The following ABTB1 variants were observed in gnomAD, a reference collection of about 807,000 sequenced individuals.
The protein encoded by ABTB1 is ankyrin repeat and BTB domain containing 1, also known as ankyrin repeat and BTB/POZ domain-containing protein 1.
ABTB1 carries 45 observed loss-of-function variants against 57.1 expected under a neutral mutation model. The observed-to-expected ratio is 0.79, with a 90% CI of 0.62 to 1.01. The LOEUF is 1.01. Ranked by LOEUF, ABTB1 falls within the 50% of genes least tolerant of loss-of-function variation. The pLI is 0.00. For synonymous variants in ABTB1, 302 were observed against 275.4 expected, an observed-to-expected ratio of 1.10 and a Z score of -0.95; for missense variants, 630 against 666.3, an observed-to-expected ratio of 0.95 and a Z score of 0.60.
intron 3 of ABTB1, 78 bp from the exon 4 acceptor site, chr3:127,675,892 G>A (rs960978269): frequency 1.3e-6 from 2 of 1,544,584 alleles, no homozygotes; most frequent in African/African-American, 1.4e-5. Context: ...TGTGTGGGAA[G>A]GTGGGGAGGA....
At position 127,674,603 on chromosome 3, in the gene ABTB1, G is replaced by A. The variant is rs755546763; in HGVS notation, c.175+3G>A. ...GGTACTCTACCTTCTGGCCAATGGT[G>A]AGAGCAGGGAGCCCGGCTCACGGGT... On this transcript the variant is annotated splice_donor_region_variant and intron_variant, in intron 3 of 11. Coordinates refer to ENST00000232744, the MANE Select transcript of ABTB1 (RefSeq NM_172027.3). 1.5e-5 allele frequency: 24 copies of A among 1,614,094 alleles called. No individual in the cohort carries two copies. In the South Asian group the frequency reaches 2.5e-4, roughly 17 times the overall value.
chr3:127,673,943 C>T (rs1380710154), intron 1 of ABTB1, among the ~76,000 whole-genome samples: 1 of 152,212 alleles, frequency 6.6e-6, no homozygotes, highest in Non-Finnish European at 1.5e-5. Context: ...GTTGCTGTAT[C>T]CCGCGACTCC....
rs1559892819 is a variant in ABTB1, at chr3:127,680,797, ATCCAG to A, written c.*326_*330del. On this transcript the variant is annotated 3_prime_UTR_variant, in exon 12 of 12. Coordinates refer to ENST00000232744, the MANE Select transcript of ABTB1 (RefSeq NM_172027.3). ...TCCCCCCTACCCACCCCAGTCCCAA[ATCCAG>A]TCCTCTGGCCCTTGCCTAGCCCTGA... 1 of 658,764 alleles carries A rather than the reference ATCCAG, an allele frequency of 1.5e-6. No homozygotes were observed. The highest frequency in any genetic ancestry group is 1.8e-5 in the South Asian group (1 of 55,602). The allele number at this position is 658,764 out of a possible 1,614,324, so 40.8% of individuals were successfully genotyped here. A position where few individuals can be genotyped will look rare whatever the true frequency, so the allele number is the denominator to read the frequency against.
In ABTB1 at chr3:127,677,462, C is replaced by T. The variant is rs1576448023; in HGVS notation, c.763-3C>T. On this transcript the variant is annotated splice_polypyrimidine_tract_variant and splice_region_variant and intron_variant, in intron 8 of 11. Coordinates refer to ENST00000232744, the MANE Select transcript of ABTB1 (RefSeq NM_172027.3). ...TGATGGGGTCACCTCTTCTGTACCC[C>T]AGGGTGATCTTTGGGAGCTGCCCTT... is the stretch of plus-strand genomic sequence containing the variant. 2.5e-6 allele frequency: 4 copies of T among 1,614,100 alleles called. No individual in the cohort carries two copies. The highest frequency in any genetic ancestry group is 2.5e-6 in the Non-Finnish European group (3 of 1,180,004).
chr3:127,676,872 C>A lies in ABTB1; in HGVS notation c.527-95C>A. The A allele has an allele frequency of 1.6e-6, 2 of 1,269,274 alleles. No homozygotes were observed. Among genetic ancestry groups the A allele is most frequent in the Non-Finnish European group, 2.2e-6 (2 of 901,808 alleles). The allele number at this position is 1,269,274 out of a possible 1,614,324, so 78.6% of individuals were successfully genotyped here. On this transcript the variant is annotated intron_variant, in intron 6 of 11. Transcript: ENST00000232744. This position sits in a 1 kb window ranked among gnomAD's most constrained non-coding sequence, Gnocchi z 5.4. Reference sequence around the variant, plus strand: ...AGTGGGCCCAGGAGTCCTAGTCCTGCAGCCAGGTGGCCAGGTGGGAGGGGA... The same window carrying A: ...AGTGGGCCCAGGAGTCCTAGTCCTGAAGCCAGGTGGCCAGGTGGGAGGGGA...
intron 10 of ABTB1, chr3:127,679,129 C>T (rs968546586): frequency 4.2e-5 from 7 of 168,392 alleles, no homozygotes; most frequent in Admixed American, 4.0e-4. Flanking sequence ...CAAAGGGCAC[C>T]TTGTCTCAGA....
At chr3:127,675,791 C>A in intron 3 of ABTB1, 179 bp from the exon 4 acceptor site, 1 of 731,976 alleles carries the variant, frequency 1.4e-6, no homozygotes, top group Non-Finnish European at 2.2e-6. Context: ...CACAGACGTG[C>A]CCATTCGCCT....
At chr3:127,673,147 G>T in intron 1 of ABTB1, 66 bp downstream of exon 1, 1 of 1,407,570 alleles carries the variant, frequency 7.1e-7, no homozygotes, top group South Asian at 1.4e-5. Flanking sequence ...TCGGGCCCTG[G>T]GACGGGCGGC....
In ABTB1 at chr3:127,674,415, G is replaced by T. The variant is rs766212718; in HGVS notation, c.81G>T (p.Val27=). The change falls in exon 2 of 12, where the codon GTG becomes GTT. Residue 27 remains valine (V), a synonymous_variant. Coordinates refer to ENST00000232744, the MANE Select transcript of ABTB1 (RefSeq NM_172027.3). ...GGTACCTGCTGGAGCAGCGAGACGT[G>T]GAGGTGAATGTGCGGGACAAGTGGG... The part of the protein sequence containing the change: ...RVRYLLEQRD[V]EVNVRDKWDS... 6.2e-7 allele frequency: 1 copy of T among 1,612,520 alleles called. No homozygotes were observed. Among genetic ancestry groups the T allele is most frequent in the South Asian group, 1.1e-5 (1 of 90,774 alleles).
At position 127,680,797 on chromosome 3, in the gene ABTB1, A is replaced by C; in HGVS notation, c.*322A>C. On this transcript the variant is annotated 3_prime_UTR_variant, in exon 12 of 12. Coordinates refer to ENST00000232744, the MANE Select transcript of ABTB1 (RefSeq NM_172027.3). ...TCCCCCCTACCCACCCCAGTCCCAA[A>C]TCCAGTCCTCTGGCCCTTGCCTAGC... The C allele has an allele frequency of 1.5e-6, 1 of 658,764 alleles. No individual in the cohort carries two copies. Among genetic ancestry groups the C allele is most frequent in the South Asian group, 1.8e-5 (1 of 55,602 alleles). The allele number at this position is 658,764 out of a possible 1,614,324, so 40.8% of individuals were successfully genotyped here.
rs1182068561 is a variant in ABTB1 at position 127,680,813 on chromosome 3, C to T, written c.*338C>T. On this transcript the variant is annotated 3_prime_UTR_variant, in exon 12 of 12. Coordinates refer to ENST00000232744, the MANE Select transcript of ABTB1 (RefSeq NM_172027.3). ...CAGTCCCAAATCCAGTCCTCTGGCC[C>T]TTGCCTAGCCCTGAATTGCTTCTCT... 2.2e-5 allele frequency: 14 copies of T among 649,400 alleles called. No homozygotes were observed. Among genetic ancestry groups the T allele is most frequent in the Non-Finnish European group, 3.3e-5 (12 of 364,772 alleles). The allele number at this position is 649,400 out of a possible 1,614,324, so 40.2% of individuals were successfully genotyped here. A position where few individuals can be genotyped will look rare whatever the true frequency, so the allele number is the denominator to read the frequency against.
chr3:127,676,810 C>G lies in ABTB1; in HGVS notation c.527-157C>G. On this transcript the variant is annotated intron_variant, in intron 6 of 11. Coordinates refer to ENST00000232744, the MANE Select transcript of ABTB1 (RefSeq NM_172027.3). This position sits in a 1 kb window ranked among gnomAD's most constrained non-coding sequence, Gnocchi z 5.4. ...GGCCCTCCCATCTGTTCCCTGGGGCCTGTAGAACAGCTTTTGATGGGGAAA... is the reference window on the plus strand; with the variant it reads ...GGCCCTCCCATCTGTTCCCTGGGGCGTGTAGAACAGCTTTTGATGGGGAAA... 1 of 864,152 alleles carries G rather than the reference C, an allele frequency of 1.2e-6. No homozygotes were observed. Among genetic ancestry groups the G allele is most frequent in the Non-Finnish European group, 1.8e-6 (1 of 565,550 alleles). 53.5% of individuals were successfully genotyped at this position (864,152 alleles called of 1,614,324 possible).
intron 10 of ABTB1, chr3:127,678,469 A>G (rs1270010610): frequency 1.3e-5 from 2 of 153,036 alleles, no homozygotes; most frequent in African/African-American, 4.8e-5. Flanking sequence ...TTGCCCCTGT[A>G]TGCCTAAGGG....
Position 127,680,105 on chromosome 3 carries a change from G to T in ABTB1, c.1150G>T (p.Val384Leu). Residue 384 changes from valine to leucine, a missense_variant, in exon 11 of 12, where the codon GTG (valine) becomes TTG (leucine). By Grantham distance (32) the Val-to-Leu change is conservative. Around this residue, in one of 3 missense-constraint regions of ABTB1, gnomAD observed 579 missense variants for 585.9 expected, o/e 0.99. Coordinates refer to ENST00000232744, the MANE Select transcript of ABTB1 (RefSeq NM_172027.3). ...GCTAGACGAGGACACTGTGGTGGGT[G>T]TGTGGCGCGTGGCCAAGCTCTTCCG... ...QMLDEDTVVG[V>L]WRVAKLFRLA... 1 of 1,613,922 alleles carries T rather than the reference G, an allele frequency of 6.2e-7. No homozygotes were observed. The highest frequency in any genetic ancestry group is 8.5e-7 in the Non-Finnish European group (1 of 1,180,036).
In ABTB1 at chr3:127,677,079, G is replaced by A; in HGVS notation, c.639G>A (p.Glu213=). The change falls in exon 7 of 12, where the codon GAG becomes GAA. Residue 213 remains glutamate, a synonymous_variant. Transcript: ENST00000232744. The part of the protein sequence containing the change: ...DLEAKCEKVS[E]FVASKPGTCV... ...AGGCCAAGTGCGAGAAGGTGTCTGA[G>A]TTTGGTGCGAGCAGGGTTTGGGGCC... The A allele has an allele frequency of 1.9e-6, 3 of 1,614,104 alleles. No individual in the cohort carries two copies. The South Asian group carries it at 3.3e-5, about 18-fold the overall frequency.
At chr3:127,674,625 G>A (rs201970604) in intron 3 of ABTB1, 25 bp downstream of exon 3, 59 of 1,613,894 alleles carry the variant, frequency 3.7e-5, no homozygotes, top group Admixed American at 2.3e-4. Flanking sequence ...CCCGGCTCAC[G>A]GGTGTGCGTG....
Position 127,677,043 on chromosome 3 carries a change from C to T in ABTB1, c.603C>T (p.Leu201=), listed in dbSNP as rs774955172. ...LAKQCQLWDL[L]SDLEAKCEKV... ...AGCAATGCCAGCTGTGGGACCTGCT[C>T]AGCGACCTGGAGGCCAAGTGCGAGA... Residue 201 remains leucine (L), a synonymous_variant, in exon 7 of 12, where the codon CTC becomes CTT. Coordinates refer to ENST00000232744, the MANE Select transcript of ABTB1 (RefSeq NM_172027.3). 19 of 1,614,144 alleles carry T rather than the reference C, an allele frequency of 1.2e-5. No homozygotes were observed. The highest frequency in any genetic ancestry group is 1.6e-5 in the Non-Finnish European group (19 of 1,180,020).
intron 8 of ABTB1, 47 bp from the exon 9 acceptor site, chr3:127,677,418 C>T: frequency 1.2e-6 from 2 of 1,606,244 alleles, no homozygotes; most frequent in African/African-American, 2.7e-5. Flanking sequence ...TAGTCGTTCA[C>T]TTCTGTGAAC....
chr3:127,677,609 A>AGCC, intron 9 of ABTB1, 46 bp downstream of exon 9: 1 of 1,613,356 alleles, frequency 6.2e-7, no homozygotes, highest in Non-Finnish European at 8.5e-7. Context: ...CGTTGCCCTG[A>AGCC]GCCCCCGTCT....
Sources: gnomAD v4.1 joint callset for allele counts (sites outside exome capture counted in the v4.1 genomes callset) on GRCh38, gnomAD v4.1.1 for gene constraint, gnomAD v4.1.1 regional missense constraint, Gnocchi (gnomAD v3.1) non-coding constraint, MANE v1.5 for transcripts, NCBI Gene and HGNC (gene_info 2026-07-23, HGNC 2026-07-21) for gene names.